JAKMIP1: variants seen among roughly 807,000 people sequenced by gnomAD.
The protein encoded by JAKMIP1 is janus kinase and microtubule interacting protein 1, also known as janus kinase and microtubule-interacting protein 1.
Under a neutral mutation model 113.0 loss-of-function variants are expected in JAKMIP1, and 33 were observed. That is an observed-to-expected ratio of 0.29 (90% CI 0.22 to 0.39). The LOEUF is 0.39. JAKMIP1 is among the 10% of genes least tolerant of loss of function. The probability of loss-of-function intolerance (pLI) is 1.00; values close to 1 mark genes in which losing one functional copy is unlikely to be tolerated. For synonymous variants in JAKMIP1, 480 were observed against 459.9 expected (o/e 1.04, Z -0.56); for missense variants, 813 against 1,080.5 (o/e 0.75, Z 3.47).
At position 6,180,808 on chromosome 4, in the gene JAKMIP1, A is replaced by T. The variant is rs1478570178; in HGVS notation, c.-148+19445T>A. 6.6e-6 allele frequency among the ~76,000 whole-genome samples: 1 copy of T among 152,166 alleles called. No individual in the cohort carries two copies. The highest frequency in any genetic ancestry group is 1.5e-5 in the Non-Finnish European group (1 of 68,036). ...CAACGTGCTTTGTTCTCAGAGGGCC[A>T]TGGCACATTGAGCAGGGAGGAGTCT... On this transcript the variant is annotated intron_variant, in intron 1 of 20. Coordinates refer to ENST00000409021, the MANE Select transcript of JAKMIP1 (RefSeq NM_001099433.2). The surrounding 1 kb of genome is among the most constrained non-coding windows in gnomAD (Gnocchi z 4.5).
Position 6,183,478 on chromosome 4 carries a change from C to CAATAAATAAATA in JAKMIP1, c.-148+16763_-148+16774dup, listed in dbSNP as rs1475589913. Among the ~76,000 whole-genome samples, 14,733 of 126,560 alleles carry CAATAAATAAATA rather than the reference C, an allele frequency of 0.12. 1,624 individuals are homozygous for CAATAAATAAATA. The highest frequency in any genetic ancestry group is 0.27 in the African/African-American group (9,233 of 33,782). The allele number at this position is 126,560 out of a possible 152,430, so 83.0% of individuals were successfully genotyped here. A position where few individuals can be genotyped will look rare whatever the true frequency, so the allele number is the denominator to read the frequency against. Reference sequence around the variant, plus strand: ...TGGGTGACAGAGCAAGACTCTGTCTCAATAAATAAATAAATAAATAAATAA... The same window carrying CAATAAATAAATA: ...TGGGTGACAGAGCAAGACTCTGTCTCAATAAATAAATAAATAAATAAATAAATAAATAAATAA... On this transcript the variant is annotated intron_variant, in intron 1 of 20. Coordinates refer to ENST00000409021, the MANE Select transcript of JAKMIP1 (RefSeq NM_001099433.2). This position sits in a 1 kb window ranked among gnomAD's most constrained non-coding sequence, Gnocchi z 5.3.
Position 6,041,276 on chromosome 4 carries a change from C to T in JAKMIP1, c.2098-560G>A, listed in dbSNP as rs573934476. Among the ~76,000 whole-genome samples the T allele has an allele frequency of 2.6e-5, 4 of 152,314 alleles. No homozygotes were observed. The South Asian group carries it at 8.3e-4, about 32-fold the overall frequency. On this transcript the variant is annotated intron_variant, in intron 17 of 20. Coordinates refer to ENST00000409021, the MANE Select transcript of JAKMIP1 (RefSeq NM_001099433.2). The stretch of plus-strand genomic sequence containing the variant: ...GGTTAGAATTCATCTCCTGTAGCCA[C>T]TTCCTTTTATAGACAAGGAAGGAAA...
chr4:6,062,277 C>G (rs749404538), intron 10 of JAKMIP1, 35 bp downstream of exon 10: 1 of 1,610,468 alleles, frequency 6.2e-7, no homozygotes, highest in Non-Finnish European at 8.5e-7. Context: ...TGGCCTTCGG[C>G]CCCTCCCTCG....
rs1024654945 is a variant in JAKMIP1 at position 6,153,723 on chromosome 4, G to A, written c.-147-40726C>T. 6.6e-6 allele frequency among the ~76,000 whole-genome samples: 1 copy of A among 152,100 alleles called. No individual in the cohort carries two copies. Among genetic ancestry groups the A allele is most frequent in the African/African-American group, 2.4e-5 (1 of 41,402 alleles). ...TTTGAAAAACCTGTACACTACTTCA[G>A]CCTTATTCTAAGCAAAAATATCCCC... On this transcript the variant is annotated intron_variant, in intron 1 of 20. Transcript: ENST00000409021. The surrounding 1 kb of genome is among the most constrained non-coding windows in gnomAD (Gnocchi z 4.9).
intron 18 of JAKMIP1, among the ~76,000 whole-genome samples, chr4:6,039,973 C>T (rs1216298795): frequency 7.2e-5 from 11 of 152,182 alleles, no homozygotes; most frequent in African/African-American, 1.2e-4. Context: ...CTCTGTACCA[C>T]GCTAGCTTCT....
intron 1 of JAKMIP1, among the ~76,000 whole-genome samples, chr4:6,131,449 GC>G (rs1274305568): frequency 4.6e-5 from 7 of 152,086 alleles, no homozygotes; most frequent in African/African-American, 1.7e-4. Context: ...AGATACTGGG[GC>G]CTGGCATGGT....
intron 16 of JAKMIP1, among the ~76,000 whole-genome samples, chr4:6,047,073 C>G (rs1252161787): frequency 6.6e-6 from 1 of 152,232 alleles, no homozygotes; most frequent in African/African-American, 2.4e-5. Context: ...AAATATGCAG[C>G]CTCCTGGATT....
In JAKMIP1 at chr4:6,078,969, C is replaced by T; in HGVS notation, c.1272G>A (p.Arg424=). The change falls in exon 8 of 21, where the codon AGG becomes AGA. Residue 424 remains arginine, a synonymous_variant. Coordinates refer to ENST00000409021, the MANE Select transcript of JAKMIP1 (RefSeq NM_001099433.2). ...LERERLLRSK[R]HRGKSLKPPK... ...GCGGTTTCAGACTTTTCCCTCGATG[C>T]CTTTTGGAGCGCAACAGCCGTTCTC... The T allele has an allele frequency of 6.2e-7, 1 of 1,614,172 alleles. No individual in the cohort carries two copies. Among genetic ancestry groups the T allele is most frequent in the Non-Finnish European group, 8.5e-7 (1 of 1,180,030 alleles).
intron 19 of JAKMIP1, among the ~76,000 whole-genome samples, chr4:6,035,172 T>C (rs1233281392): frequency 6.6e-6 from 1 of 152,132 alleles, no homozygotes; most frequent in Admixed American, 6.5e-5. Flanking sequence ...CCTTCTTTTT[T>C]CCTTCTGTGA....
intron 1 of JAKMIP1, among the ~76,000 whole-genome samples, chr4:6,169,694 C>T (rs1213805789): frequency 6.6e-6 from 1 of 151,144 alleles, no homozygotes; most frequent in Non-Finnish European, 1.5e-5. Flanking sequence ...CTAGGGTAAC[C>T]CCAGCTTAGT....
rs1193014659 is a variant in JAKMIP1 at position 6,069,646 on chromosome 4, G to C, written c.1303-4638C>G. Among the ~76,000 whole-genome samples the C allele has an allele frequency of 1.3e-5, 2 of 152,016 alleles. No homozygotes were observed. Among genetic ancestry groups the C allele is most frequent in the Non-Finnish European group, 2.9e-5 (2 of 68,014 alleles). ...CTGACGCCTGTAGTCCCAGCTACTT[G>C]GGAGGCTGAGGTGGAAAGATTACTT... On this transcript the variant is annotated intron_variant, in intron 8 of 20. Coordinates refer to ENST00000409021, the MANE Select transcript of JAKMIP1 (RefSeq NM_001099433.2). This position sits in a 1 kb window ranked among gnomAD's most constrained non-coding sequence, Gnocchi z 4.5.
rs1727925304 is a variant in JAKMIP1, at chr4:6,197,011, C to A, written c.-148+3242G>T. Among the ~76,000 whole-genome samples the A allele has an allele frequency of 6.6e-6, 1 of 152,214 alleles. No individual in the cohort carries two copies. Among genetic ancestry groups the A allele is most frequent in the African/African-American group, 2.4e-5 (1 of 41,456 alleles). ...TCAGGGAGCCCCACTTCTGAGTCCC[C>A]CAGTGTCCTGAGACTTGGCTCCCTC... On this transcript the variant is annotated intron_variant, in intron 1 of 20. Transcript: ENST00000409021. This position sits in a 1 kb window ranked among gnomAD's most constrained non-coding sequence, Gnocchi z 6.5.
chr4:6,152,849 T>C (rs1181198598), intron 1 of JAKMIP1, among the ~76,000 whole-genome samples: 1 of 150,194 alleles, frequency 6.7e-6, no homozygotes, highest in African/African-American at 2.5e-5. Context: ...TGGGCTCCTA[T>C]AGTGCCAGGT....
intron 3 of JAKMIP1, among the ~76,000 whole-genome samples, chr4:6,087,015 A>G (rs192704550): frequency 3.3e-4 from 50 of 152,292 alleles, no homozygotes; most frequent in Non-Finnish European, 6.8e-4. Context: ...CTGTATAGGA[A>G]CACATTTCTG....
chr4:6,056,362 C>A (rs902475100), intron 12 of JAKMIP1, among the ~76,000 whole-genome samples: 2 of 151,968 alleles, frequency 1.3e-5, no homozygotes, highest in African/African-American at 4.8e-5. Context: ...GCAGCTCTCC[C>A]TATTTCTGCA....
intron 7 of JAKMIP1, among the ~76,000 whole-genome samples, chr4:6,079,321 TG>T (rs1720163664): frequency 6.6e-6 from 1 of 151,692 alleles, no homozygotes; most frequent in Non-Finnish European, 1.5e-5. Context: ...AATGGGTGAG[TG>T]GATGGATGGA....
Position 6,080,198 on chromosome 4 carries a change from G to C in JAKMIP1, c.1216C>G (p.Gln406Glu), listed in dbSNP as rs770122821. Residue 406 changes from glutamine to glutamate, a missense_variant, in exon 7 of 21, where the codon CAG (glutamine) becomes GAG (glutamate). Gln to Glu is a conservative substitution (Grantham distance 29, BLOSUM62 2). This residue lies in a region of JAKMIP1 where 540 missense variants were observed against 653.9 expected (regional missense o/e 0.83). Transcript: ENST00000409021. This position sits in a 1 kb window ranked among gnomAD's most constrained non-coding sequence, Gnocchi z 6.0. ...EFLRLQVLEQ[Q>E]HVIDDLSLER... ...AGTGAGAGGTCGTCAATGACGTGCT[G>C]CTGCTCCAGCACCTGCAGCCTCAGG... is the stretch of plus-strand genomic sequence containing the variant. 7.4e-6 allele frequency: 12 copies of C among 1,613,010 alleles called. No individual in the cohort carries two copies. Among genetic ancestry groups the C allele is most frequent in the Non-Finnish European group, 1.0e-5 (12 of 1,179,606 alleles).
At chr4:6,046,788 G>A (rs972339217) in intron 16 of JAKMIP1, among the ~76,000 whole-genome samples, 8 of 152,174 alleles carry the variant, frequency 5.3e-5, no homozygotes, top group African/African-American at 1.4e-4. Flanking sequence ...GCTGTGGGTC[G>A]GGCGTGGGGA....
chr4:6,043,308 C>A (rs547215614), intron 16 of JAKMIP1, among the ~76,000 whole-genome samples: 49 of 152,058 alleles, frequency 3.2e-4, no homozygotes, highest in Non-Finnish European at 5.7e-4. Context: ...CCTTTCCCGA[C>A]CCCAGGCTCC....
Sources: gnomAD v4.1 joint callset for allele counts (sites outside exome capture counted in the v4.1 genomes callset) on GRCh38, gnomAD v4.1.1 for gene constraint, gnomAD v4.1.1 regional missense constraint, Gnocchi (gnomAD v3.1) non-coding constraint, MANE v1.5 for transcripts, NCBI Gene and HGNC (gene_info 2026-07-23, HGNC 2026-07-21) for gene names.